Variants in CNTNAP2 observed in about 807,000 individuals in gnomAD.
CNTNAP2 encodes contactin-associated protein-like 2.
A neutral mutation model predicts 155.2 loss-of-function variants in CNTNAP2; 98 were observed. The observed-to-expected ratio is 0.63, with a 90% confidence interval of 0.54 to 0.75. The LOEUF (loss-of-function observed/expected upper bound fraction) is 0.75. CNTNAP2 is among the 30% of genes least tolerant of loss of function. CNTNAP2 has a pLI of 0.00. For missense variants in CNTNAP2, 1,727 were observed against 1,688.1 expected (o/e 1.02, Z -0.40); for synonymous variants, 651 against 631.2 (o/e 1.03, Z -0.47).
chr7:147,803,670 G>T (rs1798042740), intron 13 of CNTNAP2, among the ~76,000 whole-genome samples: 1 of 152,200 alleles, frequency 6.6e-6, no homozygotes, highest in Admixed American at 6.5e-5. Flanking sequence ...GCTATGTCTT[G>T]TTTCCATCCA....
chr7:147,396,265 T>A (rs1796815253), intron 10 of CNTNAP2, among the ~76,000 whole-genome samples: 2 of 151,284 alleles, frequency 1.3e-5, no homozygotes, highest in South Asian at 4.2e-4. Flanking sequence ...GAGCCTTCAA[T>A]AAGTAGTTTT....
chr7:148,326,843 C>T (rs1042803029), intron 21 of CNTNAP2, among the ~76,000 whole-genome samples: 3 of 143,240 alleles, frequency 2.1e-5, no homozygotes, highest in Middle Eastern at 3.8e-3. Context: ...CCAGCCTGAG[C>T]GACAGAGCGA....
At chr7:147,951,408 A>G (rs1286509357) in intron 14 of CNTNAP2, among the ~76,000 whole-genome samples, 4 of 152,246 alleles carry the variant, frequency 2.6e-5, no homozygotes, top group African/African-American at 7.2e-5. Flanking sequence ...TATAGTGGAG[A>G]GAGAATTGTC....
At chr7:146,176,279 A>G (rs970836062) in intron 1 of CNTNAP2, among the ~76,000 whole-genome samples, 2 of 152,198 alleles carry the variant, frequency 1.3e-5, no homozygotes, top group Non-Finnish European at 2.9e-5. Flanking sequence ...TTGGGGGAAA[A>G]ACAGAGCAAA....
At chr7:146,130,626 C>T (rs1056605907) in intron 1 of CNTNAP2, among the ~76,000 whole-genome samples, 2 of 152,122 alleles carry the variant, frequency 1.3e-5, no homozygotes, top group African/African-American at 4.8e-5. Context: ...AGGCAATTTT[C>T]TAAATAACCT....
intron 18 of CNTNAP2, among the ~76,000 whole-genome samples, chr7:148,181,163 G>A (rs1466590850): frequency 6.6e-6 from 1 of 152,076 alleles, no homozygotes; most frequent in African/African-American, 2.4e-5. Flanking sequence ...CCACACCACT[G>A]GTACCCCAGG....
intron 1 of CNTNAP2, among the ~76,000 whole-genome samples, chr7:146,253,398 G>T (rs1242948304): frequency 6.6e-6 from 1 of 152,228 alleles, no homozygotes; most frequent in Non-Finnish European, 1.5e-5. Flanking sequence ...GCATTTGCTT[G>T]CAGTCTCCAC....
intron 3 of CNTNAP2, among the ~76,000 whole-genome samples, chr7:146,965,854 A>G (rs1376717021): frequency 6.6e-6 from 1 of 152,176 alleles, no homozygotes; most frequent in East Asian, 1.9e-4. Flanking sequence ...CATTTGCAGG[A>G]ATATACACAT....
rs17170818 is a variant in CNTNAP2, at chr7:148,081,901, G to A, written c.2384-36217G>A. Among the ~76,000 whole-genome samples, 3,509 of 152,236 alleles carry A rather than the reference G, an allele frequency of 0.023. 280 individuals carry two copies. The East Asian group carries it at 0.28, about 12-fold the overall frequency. Reference sequence around the variant, plus strand: ...GATTGGAGGAGTTGGTTATGGAAAGGCGAGTAACCAGATATAGGCTGATAG... The same window carrying A: ...GATTGGAGGAGTTGGTTATGGAAAGACGAGTAACCAGATATAGGCTGATAG... On this transcript the variant is annotated intron_variant, in intron 15 of 23. Transcript: ENST00000361727.
At chr7:146,627,931 G>T (rs1476205234) in intron 1 of CNTNAP2, among the ~76,000 whole-genome samples, 2 of 152,020 alleles carry the variant, frequency 1.3e-5, no homozygotes, top group Non-Finnish European at 2.9e-5. Flanking sequence ...TGTTCTATTT[G>T]GTTTGGGAAA....
chr7:146,682,630 A>T (rs1461366635), intron 1 of CNTNAP2, among the ~76,000 whole-genome samples: 3 of 152,228 alleles, frequency 2.0e-5, no homozygotes, highest in Non-Finnish European at 2.9e-5. Context: ...CCACAGAAAA[A>T]CATCAAGCAA....
In CNTNAP2 at chr7:148,415,485, C is replaced by T; in HGVS notation, c.3865C>T (p.His1289Tyr). The T allele has an allele frequency of 1.2e-6, 2 of 1,614,234 alleles. No individual in the cohort carries two copies. Among genetic ancestry groups the T allele is most frequent in the East Asian group, 2.2e-5 (1 of 44,880 alleles). Residue 1289 changes from histidine (H) to tyrosine (Y), a missense_variant, in exon 24 of 24, where the codon CAC (histidine) becomes TAC (tyrosine). Physicochemically the swap from His to Tyr is moderately conservative, Grantham distance 83. Transcript: ENST00000361727. ...LVFLIRYMFR[H>Y]KGTYHTNEAK... ...CTTCCTGATCCGGTACATGTTCCGC[C>T]ACAAGGGCACCTACCATACCAACGA... is the stretch of plus-strand genomic sequence containing the variant.
intron 21 of CNTNAP2, among the ~76,000 whole-genome samples, chr7:148,282,430 C>A (rs1256059788): frequency 6.6e-6 from 1 of 152,098 alleles, no homozygotes; most frequent in African/African-American, 2.4e-5. Context: ...TTTTCTTAAC[C>A]GTGAAATGAG....
At chr7:146,174,206 A>G (rs1798436047) in intron 1 of CNTNAP2, among the ~76,000 whole-genome samples, 3 of 151,978 alleles carry the variant, frequency 2.0e-5, no homozygotes, top group Admixed American at 2.0e-4. Flanking sequence ...TGTCTCAAAA[A>G]AAAAAAGGAA....
chr7:147,742,101 C>A (rs545174143), intron 13 of CNTNAP2, among the ~76,000 whole-genome samples: 1 of 152,234 alleles, frequency 6.6e-6, no homozygotes, highest in South Asian at 2.1e-4. Flanking sequence ...TATTCACTAT[C>A]ACAAAAATAG....
At chr7:147,995,533 T>G (rs1296754825) in intron 15 of CNTNAP2, among the ~76,000 whole-genome samples, 4 of 43,394 alleles carry the variant, frequency 9.2e-5, no homozygotes, top group African/African-American at 2.8e-4. Context: ...TCTTTTGTTG[T>G]TTTTTTTTTT....
At chr7:146,568,873 C>T (rs944621989) in intron 1 of CNTNAP2, among the ~76,000 whole-genome samples, 4 of 151,890 alleles carry the variant, frequency 2.6e-5, no homozygotes, top group Non-Finnish European at 5.9e-5. Flanking sequence ...GGAGTAATAT[C>T]GTATTAATAT....
At chr7:146,118,295 C>G (rs1394256324) in intron 1 of CNTNAP2, among the ~76,000 whole-genome samples, 1 of 152,062 alleles carries the variant, frequency 6.6e-6, no homozygotes, top group Non-Finnish European at 1.5e-5. Context: ...TTGTAATGAA[C>G]TTGAAAACAT....
rs541899040 is a variant in CNTNAP2, at chr7:148,063,304, C to T, written c.2384-54814C>T. On this transcript the variant is annotated intron_variant, in intron 15 of 23. Transcript: ENST00000361727. ...CTTATGATATACCTCAGTGTAGTTT[C>T]TTCCATTCATGTTTTAATTTAAAGC... Among the ~76,000 whole-genome samples the T allele has an allele frequency of 2.6e-4, 39 of 152,054 alleles. No homozygotes were observed. The South Asian group carries it at 8.1e-3, about 32-fold the overall frequency.
Sources: gnomAD v4.1 joint callset for allele counts (sites outside exome capture counted in the v4.1 genomes callset) on GRCh38, gnomAD v4.1.1 for gene constraint, MANE v1.5 for transcripts, NCBI Gene and HGNC (gene_info 2026-07-23, HGNC 2026-07-21) for gene names.